DNAJC5B: variants seen among roughly 807,000 people sequenced by gnomAD.
DNAJC5B encodes the protein dnaJ homolog subfamily C member 5B.
In DNAJC5B, 23 loss-of-function variants were observed where a neutral mutation model predicts 24.7. The ratio of observed to expected loss-of-function variants is 0.93; its 90% CI spans 0.67 to 1.32. The LOEUF is 1.32. Among genes scored for constraint, DNAJC5B ranks in the 40% most tolerant of loss-of-function variants. DNAJC5B has a pLI of 0.00. For missense variants in DNAJC5B, 238 were observed against 240.8 expected (o/e 0.99, Z 0.08); for synonymous variants, 101 against 90.1 (o/e 1.12, Z -0.68).
At chr8:66,051,152 C>T (rs930422931) in intron 2 of DNAJC5B, among the ~76,000 whole-genome samples, 4 of 152,060 alleles carry the variant, frequency 2.6e-5, no homozygotes, top group Non-Finnish European at 5.9e-5. Context: ...CCATTGCTGG[C>T]TAAATTTGGA....
chr8:66,027,761 C>T (rs919801885), intron 1 of DNAJC5B, among the ~76,000 whole-genome samples: 2 of 152,076 alleles, frequency 1.3e-5, no homozygotes, highest in Admixed American at 6.5e-5. Flanking sequence ...ACGCTATCTC[C>T]CTCCCCGCAT....
chr8:66,079,740 G>A (rs1807550026), intron 4 of DNAJC5B, among the ~76,000 whole-genome samples: 1 of 152,198 alleles, frequency 6.6e-6, no homozygotes. Flanking sequence ...TATCAGCAAT[G>A]CGCAGCATGG....
chr8:66,055,682 T>C (rs1477896325), intron 3 of DNAJC5B, among the ~76,000 whole-genome samples: 2 of 152,208 alleles, frequency 1.3e-5, no homozygotes, highest in East Asian at 1.9e-4. Flanking sequence ...CTCACACCTG[T>C]AATCCCAGCA....
chr8:66,017,031 T>C (rs1805972356), upstream of DNAJC5B, among the ~76,000 whole-genome samples: 1 of 152,138 alleles, frequency 6.6e-6, no homozygotes, highest in Non-Finnish European at 1.5e-5. Context: ...GGGTTCTTGT[T>C]CCTATATATA....
At chr8:66,077,387 G>A (rs1325842642) in intron 4 of DNAJC5B, among the ~76,000 whole-genome samples, 1 of 152,144 alleles carries the variant, frequency 6.6e-6, no homozygotes, top group Non-Finnish European at 1.5e-5. Flanking sequence ...CAGGGAATTG[G>A]AGAGGCAGAG....
At chr8:66,040,366 G>A (rs1241187545) in intron 1 of DNAJC5B, among the ~76,000 whole-genome samples, 1 of 150,216 alleles carries the variant, frequency 6.7e-6, no homozygotes. Flanking sequence ...CTCCAGCTTG[G>A]CAACAGAGTG....
At chr8:66,034,152 A>G (rs1806425558) in intron 1 of DNAJC5B, among the ~76,000 whole-genome samples, 1 of 144,998 alleles carries the variant, frequency 6.9e-6, no homozygotes. Flanking sequence ...TTAACAAGGG[A>G]GTATTCTCTC....
At chr8:66,093,570 A>G (rs1807890987) in intron 5 of DNAJC5B, among the ~76,000 whole-genome samples, 1 of 152,172 alleles carries the variant, frequency 6.6e-6, no homozygotes, top group Non-Finnish European at 1.5e-5. Flanking sequence ...TGCAGGTTTT[A>G]AAATTATATC....
chr8:66,042,277 C>T (rs958218513), intron 1 of DNAJC5B, among the ~76,000 whole-genome samples: 3 of 152,206 alleles, frequency 2.0e-5, no homozygotes, highest in African/African-American at 4.8e-5. Context: ...CTCTTTGAAA[C>T]TCAGCTACAG....
chr8:66,064,000 T>C (rs781201180), intron 3 of DNAJC5B, among the ~76,000 whole-genome samples: 1 of 152,150 alleles, frequency 6.6e-6, no homozygotes, highest in Non-Finnish European at 1.5e-5. Context: ...AATTAGTGGG[T>C]AGCTAATGTC....
Position 66,076,737 on chromosome 8 carries a change from A to G in DNAJC5B, c.197A>G (p.Asn66Ser). 14 of 1,614,142 alleles carry G rather than the reference A, an allele frequency of 8.7e-6. No individual in the cohort carries two copies. The highest frequency in any genetic ancestry group is 1.1e-5 in the Non-Finnish European group (13 of 1,180,024). The change falls in exon 4 of 6, where the codon AAC becomes AGC. Residue 66 changes from asparagine (N) to serine (S), a missense_variant. Asn to Ser is a conservative substitution (Grantham distance 46, BLOSUM62 1). Coordinates refer to ENST00000276570, the MANE Select transcript of DNAJC5B (RefSeq NM_033105.6). ...AATEKFKEINNAHAILTDISK... is the reference protein window; with the variant it reads ...AATEKFKEINSAHAILTDISK... ...ACTGAGAAGTTTAAAGAAATCAACA[A>G]CGCCCACGCAATACTTACCGACATT...
intron 3 of DNAJC5B, among the ~76,000 whole-genome samples, chr8:66,059,520 G>A (rs1807036227): frequency 6.6e-6 from 1 of 152,178 alleles, no homozygotes. Context: ...ACAGTGGGAT[G>A]ATTGAACAAT....
intron 3 of DNAJC5B, among the ~76,000 whole-genome samples, chr8:66,053,664 T>A (rs906942024): frequency 6.6e-6 from 1 of 151,734 alleles, no homozygotes; most frequent in African/African-American, 2.4e-5. Flanking sequence ...AGTTTCACTC[T>A]TGTTGCCCAG....
intron 3 of DNAJC5B, among the ~76,000 whole-genome samples, chr8:66,058,446 G>A (rs954465023): frequency 2.0e-5 from 3 of 152,182 alleles, no homozygotes; most frequent in African/African-American, 7.2e-5. Flanking sequence ...CATGGACCCA[G>A]CCAGATCAGA....
chr8:66,047,771 C>A (rs752945182), intron 2 of DNAJC5B, among the ~76,000 whole-genome samples: 1 of 152,190 alleles, frequency 6.6e-6, no homozygotes, highest in Non-Finnish European at 1.5e-5. Context: ...CCCTGAGGAG[C>A]TCAGAGTATG....
chr8:66,045,503 G>T (rs1044704454), intron 2 of DNAJC5B, among the ~76,000 whole-genome samples: 1 of 152,100 alleles, frequency 6.6e-6, no homozygotes, highest in African/African-American at 2.4e-5. Context: ...CAAAGAATTA[G>T]CTAGCTACTG....
rs1338545055 is a variant in DNAJC5B, at chr8:66,100,023, G to C, written c.592G>C (p.Asp198His). 6.2e-7 allele frequency: 1 copy of C among 1,613,806 alleles called. No homozygotes were observed. The highest frequency in any genetic ancestry group is 1.1e-5 in the South Asian group (1 of 91,048). The stretch of plus-strand genomic sequence containing the variant: ...AGAAGGATCTCGAAGTTATTGCACA[G>C]ACTCTTGATATTGAGCCCTCAGAGA... The part of the protein sequence containing the change: ...IKEGSRSYCT[D>H]S The change falls in exon 6 of 6, where the codon GAC becomes CAC. Residue 198 changes from aspartate to histidine, a missense_variant. Physicochemically the swap from Asp to His is moderately conservative, Grantham distance 81. Transcript: ENST00000276570.
chr8:66,042,106 G>T (rs1326338957), intron 1 of DNAJC5B, among the ~76,000 whole-genome samples: 1 of 151,870 alleles, frequency 6.6e-6, no homozygotes, highest in Admixed American at 6.6e-5. Context: ...CCACTTTTTT[G>T]AGTGACCATT....
chr8:66,090,283 TAGAG>T (rs142117794), intron 5 of DNAJC5B, among the ~76,000 whole-genome samples: 65 of 122,074 alleles, frequency 5.3e-4, no homozygotes, highest in African/African-American at 1.1e-3. Flanking sequence ...GTGTGTGTGG[TAGAG>T]AGAGAGAGAG....
Sources: gnomAD v4.1 joint callset for allele counts (sites outside exome capture counted in the v4.1 genomes callset) on GRCh38, gnomAD v4.1.1 for gene constraint, MANE v1.5 for transcripts, NCBI Gene and HGNC (gene_info 2026-07-23, HGNC 2026-07-21) for gene names.